MLLT3: variants seen among roughly 807,000 people sequenced by gnomAD.
MLLT3 encodes the protein protein AF-9.
MLLT3 carries 4 observed loss-of-function variants against 53.2 expected under a neutral mutation model. The ratio of observed to expected loss-of-function variants is 0.08; its 90% CI spans 0.04 to 0.17. The LOEUF (loss-of-function observed/expected upper bound fraction) is 0.17, where lower values mean the gene tolerates loss of function less well. MLLT3 is among the 10% of genes least tolerant of loss of function. The pLI is 1.00. For missense variants in MLLT3, 569 were observed against 684.0 expected (o/e 0.83, Z 1.87); for synonymous variants, 283 against 230.6 (o/e 1.23, Z -2.06).
chr9:20,534,732 A>C (rs577036084), intron 2 of MLLT3, among the ~76,000 whole-genome samples: 1 of 152,120 alleles, frequency 6.6e-6, no homozygotes, highest in South Asian at 2.1e-4. Context: ...TAAAAATACA[A>C]AAAATTAGCT....
At chr9:20,578,330 T>C (rs538385964) in intron 2 of MLLT3, among the ~76,000 whole-genome samples, 16 of 152,186 alleles carry the variant, frequency 1.1e-4, no homozygotes, top group African/African-American at 3.6e-4. Context: ...CTAAGTATTA[T>C]GGAAGCATAA....
At chr9:20,348,052 T>C (rs191451965) in intron 10 of MLLT3, among the ~76,000 whole-genome samples, 2 of 152,308 alleles carry the variant, frequency 1.3e-5, no homozygotes, top group African/African-American at 4.8e-5. Flanking sequence ...GCATGACATA[T>C]TAACTCTCAA....
Position 20,470,825 on chromosome 9 carries a change from T to C in MLLT3, c.194-14039A>G, listed in dbSNP as rs143792712. 4.4e-3 allele frequency among the ~76,000 whole-genome samples: 663 copies of C among 152,086 alleles called. 3 individuals are homozygous for C. The highest frequency in any genetic ancestry group is 0.015 in the African/African-American group (627 of 41,542). On this transcript the variant is annotated intron_variant, in intron 2 of 10. Transcript: ENST00000380338. ...TTTAAAATGATGCTTTATGTATAAA[T>C]ACATGCATTTGCTCTCACACATACC...
chr9:20,464,042 TA>T (rs987171946), intron 2 of MLLT3, among the ~76,000 whole-genome samples: 9 of 151,994 alleles, frequency 5.9e-5, no homozygotes, highest in African/African-American at 1.7e-4. Context: ...TATCACTTCC[TA>T]AAACAATCGC....
chr9:20,428,978 A>G (rs1823200092), intron 4 of MLLT3, among the ~76,000 whole-genome samples: 1 of 152,186 alleles, frequency 6.6e-6, no homozygotes, highest in African/African-American at 2.4e-5. Context: ...GTAGTTTGAA[A>G]TCTTCCTACA....
intron 2 of MLLT3, among the ~76,000 whole-genome samples, chr9:20,552,003 G>A (rs1340897984): frequency 2.6e-5 from 4 of 152,144 alleles, no homozygotes; most frequent in African/African-American, 4.8e-5. Flanking sequence ...GAGTTGCCAA[G>A]TCATCAGATC....
At chr9:20,539,038 G>A (rs1168250216) in intron 2 of MLLT3, among the ~76,000 whole-genome samples, 1 of 152,250 alleles carries the variant, frequency 6.6e-6, no homozygotes, top group Non-Finnish European at 1.5e-5. Context: ...TCACTGGGGA[G>A]CAGTAATGCC....
At chr9:20,425,384 T>G (rs1484303952) in intron 4 of MLLT3, among the ~76,000 whole-genome samples, 1 of 152,146 alleles carries the variant, frequency 6.6e-6, no homozygotes, top group Non-Finnish European at 1.5e-5. Flanking sequence ...TCAGGAAGAT[T>G]AGAACATAGG....
At chr9:20,555,156 A>T (rs1254671927) in intron 2 of MLLT3, among the ~76,000 whole-genome samples, 1 of 152,174 alleles carries the variant, frequency 6.6e-6, no homozygotes, top group Non-Finnish European at 1.5e-5. Context: ...GTCTTCAGAT[A>T]GCACTCCTCC....
At chr9:20,363,417 G>C (rs1238255183) in intron 7 of MLLT3, 59 bp downstream of exon 7, 2 of 1,598,150 alleles carry the variant, frequency 1.3e-6, no homozygotes, top group African/African-American at 1.3e-5. Context: ...TATCCCAGCA[G>C]GGCTTGTGAA....
At chr9:20,398,424 T>C (rs1182132944) in intron 5 of MLLT3, among the ~76,000 whole-genome samples, 3 of 152,180 alleles carry the variant, frequency 2.0e-5, no homozygotes, top group Non-Finnish European at 4.4e-5. Flanking sequence ...GATGGTTTAA[T>C]AAATATTTAA....
chr9:20,452,282 G>A (rs140723684), intron 3 of MLLT3, among the ~76,000 whole-genome samples: 32 of 152,278 alleles, frequency 2.1e-4, no homozygotes, highest in African/African-American at 7.2e-4. Flanking sequence ...ATTAGATTAT[G>A]GGGGTGTTCC....
chr9:20,354,953 G>A (rs886296603), intron 8 of MLLT3, 74 bp from the exon 9 acceptor site: 1 of 970,522 alleles, frequency 1.0e-6, no homozygotes, highest in African/African-American at 1.6e-5. Context: ...CTAAACAAAG[G>A]CATCCACTGA....
intron 5 of MLLT3, among the ~76,000 whole-genome samples, chr9:20,409,695 A>C (rs959467856): frequency 3.3e-5 from 5 of 152,148 alleles, no homozygotes; most frequent in Non-Finnish European, 7.4e-5. Flanking sequence ...ATGCTCACCC[A>C]CTATAACACA....
chr9:20,531,861 A>G (rs1043536220), intron 2 of MLLT3, among the ~76,000 whole-genome samples: 1 of 152,128 alleles, frequency 6.6e-6, no homozygotes, highest in Non-Finnish European at 1.5e-5. Context: ...TAAACTACTG[A>G]TTCACAGGAA....
chr9:20,565,128 A>G (rs1819315186), intron 2 of MLLT3, among the ~76,000 whole-genome samples: 1 of 150,500 alleles, frequency 6.6e-6, no homozygotes, highest in African/African-American at 2.5e-5. Flanking sequence ...TTACTGACTG[A>G]TATGTTTTTT....
At chr9:20,470,778 C>A (rs1272901049) in intron 2 of MLLT3, among the ~76,000 whole-genome samples, 1 of 151,830 alleles carries the variant, frequency 6.6e-6, no homozygotes, top group African/African-American at 2.4e-5. Context: ...TACTTAACAC[C>A]ACAGGAAGAA....
chr9:20,525,180 A>G (rs1818169692), intron 2 of MLLT3, among the ~76,000 whole-genome samples: 1 of 151,636 alleles, frequency 6.6e-6, no homozygotes, highest in Admixed American at 6.6e-5. Flanking sequence ...GCTCCTCAAC[A>G]TTTATAAGTT....
At chr9:20,393,507 T>C (rs1183665379) in intron 5 of MLLT3, among the ~76,000 whole-genome samples, 2 of 152,230 alleles carry the variant, frequency 1.3e-5, no homozygotes, top group East Asian at 1.9e-4. Context: ...TCATCTACAG[T>C]AGACCTTGCT....
Sources: allele counts gnomAD v4.1 joint callset (sites outside exome capture counted in the v4.1 genomes callset), GRCh38; gene constraint gnomAD v4.1.1; transcripts MANE v1.5; gene names NCBI Gene and HGNC (gene_info 2026-07-23, HGNC 2026-07-21).